KAZN: variants seen among roughly 807,000 people sequenced by gnomAD.
KAZN encodes the protein kazrin.
A neutral mutation model predicts 87.4 loss-of-function variants in KAZN; 40 were observed. The observed-to-expected ratio is 0.46, with a 90% CI of 0.36 to 0.60. The LOEUF (loss-of-function observed/expected upper bound fraction) is 0.60. KAZN is among the 20% of genes least tolerant of loss of function. The pLI, the probability that KAZN is intolerant of heterozygous loss-of-function variation, is 0.00. For missense variants in KAZN, 898 were observed against 1,073.9 expected (o/e 0.84, Z 2.29); for synonymous variants, 466 against 458.3 (o/e 1.02, Z -0.22).
At chr1:13,940,136 T>C (rs1431858757) in intron 1 of KAZN, among the ~76,000 whole-genome samples, 1 of 152,212 alleles carries the variant, frequency 6.6e-6, no homozygotes, top group African/African-American at 2.4e-5. Flanking sequence ...ATTAGGGTGT[T>C]AATGGTTTCA....
chr1:14,458,316 A>G (rs766328791), intron 2 of KAZN, among the ~76,000 whole-genome samples: 20 of 152,230 alleles, frequency 1.3e-4, no homozygotes, highest in Non-Finnish European at 2.6e-4. Flanking sequence ...TATTTCTAAC[A>G]ACTATGAAAA....
At chr1:14,280,398 A>AAG (rs1652757912) in intron 2 of KAZN, among the ~76,000 whole-genome samples, 1 of 138,068 alleles carries the variant, frequency 7.2e-6, no homozygotes, top group African/African-American at 2.8e-5. Context: ...AAAAAAAAAA[A>AAG]GACGAGGTTG....
At chr1:13,898,776 G>C (rs549982020) in intron 1 of KAZN, among the ~76,000 whole-genome samples, 1 of 152,326 alleles carries the variant, frequency 6.6e-6, no homozygotes, top group South Asian at 2.1e-4. Context: ...TCTCTCACCT[G>C]TCAGACTGGT....
intron 2 of KAZN, among the ~76,000 whole-genome samples, chr1:14,485,821 AGG>A (rs1353913707): frequency 6.7e-6 from 1 of 149,716 alleles, no homozygotes; most frequent in Non-Finnish European, 1.5e-5. Context: ...TGAACCCCAG[AGG>A]CGGAGGTTGC....
chr1:14,106,174 C>T (rs1644370237), intron 1 of KAZN, among the ~76,000 whole-genome samples: 1 of 152,212 alleles, frequency 6.6e-6, no homozygotes, highest in South Asian at 2.1e-4. Flanking sequence ...CCTACACTCT[C>T]CATGTTTGGA....
intron 2 of KAZN, among the ~76,000 whole-genome samples, chr1:14,424,012 C>T (rs753704318): frequency 1.1e-4 from 16 of 151,952 alleles, no homozygotes; most frequent in Non-Finnish European, 2.1e-4. Flanking sequence ...TACATATGTG[C>T]CTTAAGCCCA....
intron 1 of KAZN, among the ~76,000 whole-genome samples, chr1:14,614,963 AT>A (rs1678111389): frequency 6.6e-6 from 1 of 152,192 alleles, no homozygotes; most frequent in Non-Finnish European, 1.5e-5. Flanking sequence ...CCTCGTAGGG[AT>A]AATGCTGGTC....
chr1:14,769,590 G>A lies in KAZN; in HGVS notation c.226+170367G>A, dbSNP rs1204568339. On this transcript the variant is annotated intron_variant, in intron 1 of 14. Transcript: ENST00000376030. The surrounding 1 kb of genome is among the most constrained non-coding windows in gnomAD (Gnocchi z 4.1). ...ACTAGTTTCAAACTTATGACCTCAG[G>A]TGATCCACCTGCCTCAGCCTCCCAA... is the stretch of plus-strand genomic sequence containing the variant. Among the ~76,000 whole-genome samples, 1 of 152,114 alleles carries A rather than the reference G, an allele frequency of 6.6e-6. No homozygotes were observed. Among genetic ancestry groups the A allele is most frequent in the African/African-American group, 2.4e-5 (1 of 41,416 alleles).
At chr1:14,308,764 G>C (rs554220707) in intron 2 of KAZN, among the ~76,000 whole-genome samples, 2 of 114,322 alleles carry the variant, frequency 1.7e-5, no homozygotes, top group South Asian at 5.2e-4. Context: ...CTAGAACCTC[G>C]TGCCTCATAA....
chr1:14,366,014 G>A (rs1659967459), intron 2 of KAZN, among the ~76,000 whole-genome samples: 1 of 152,184 alleles, frequency 6.6e-6, no homozygotes, highest in African/African-American at 2.4e-5. Flanking sequence ...AGCCTAAAAT[G>A]TAAATTGCTT....
At chr1:13,932,967 G>A (rs1640583445) in intron 1 of KAZN, among the ~76,000 whole-genome samples, 1 of 152,142 alleles carries the variant, frequency 6.6e-6, no homozygotes, top group African/African-American at 2.4e-5. Context: ...CAGAAAGGTT[G>A]CAAAAATACT....
intron 1 of KAZN, among the ~76,000 whole-genome samples, chr1:14,026,534 G>A (rs1641077273): frequency 6.6e-6 from 1 of 152,172 alleles, no homozygotes. Context: ...GCAGGGCAAA[G>A]TCTAGATATA....
intron 1 of KAZN, among the ~76,000 whole-genome samples, chr1:14,944,312 A>T (rs1235116740): frequency 1.3e-5 from 2 of 151,666 alleles, no homozygotes; most frequent in East Asian, 3.9e-4. Flanking sequence ...GAAACTCTGT[A>T]AGTGAAGTAA....
intron 2 of KAZN, among the ~76,000 whole-genome samples, chr1:14,561,377 G>A (rs1301594619): frequency 6.6e-6 from 1 of 152,212 alleles, no homozygotes; most frequent in African/African-American, 2.4e-5. Flanking sequence ...GGACATGACA[G>A]ACCCGAGACT....
intron 2 of KAZN, among the ~76,000 whole-genome samples, chr1:14,977,414 G>A (rs566915773): frequency 1.1e-4 from 17 of 152,302 alleles, no homozygotes; most frequent in South Asian, 8.3e-4. Flanking sequence ...CCCAGATTCC[G>A]GAAGGTCAAC....
At chr1:14,874,822 A>G (rs1652574981) in intron 1 of KAZN, among the ~76,000 whole-genome samples, 3 of 152,038 alleles carry the variant, frequency 2.0e-5, no homozygotes, top group Admixed American at 2.0e-4. Context: ...TTAAGGTTTG[A>G]GAAGGGAAAG....
intron 1 of KAZN, among the ~76,000 whole-genome samples, chr1:14,918,198 T>C (rs1030267301): frequency 6.6e-6 from 1 of 152,148 alleles, no homozygotes; most frequent in Admixed American, 6.5e-5. Context: ...GCACTTCTAA[T>C]GAACAGAATA....
At chr1:15,029,321 C>G (rs879589840) in intron 2 of KAZN, among the ~76,000 whole-genome samples, 5 of 152,218 alleles carry the variant, frequency 3.3e-5, no homozygotes, top group Non-Finnish European at 7.3e-5. Context: ...AGCAGCAAGC[C>G]TGGCGTACAG....
At chr1:14,625,946 G>A (rs926684155) in intron 1 of KAZN, among the ~76,000 whole-genome samples, 2 of 152,170 alleles carry the variant, frequency 1.3e-5, no homozygotes, top group Admixed American at 6.5e-5. Flanking sequence ...CTTGTTTCTC[G>A]CTTTTCAGGG....
Sources: gnomAD v4.1 joint callset for allele counts (sites outside exome capture counted in the v4.1 genomes callset) on GRCh38, gnomAD v4.1.1 for gene constraint, Gnocchi (gnomAD v3.1) non-coding constraint, MANE v1.5 for transcripts, NCBI Gene and HGNC (gene_info 2026-07-23, HGNC 2026-07-21) for gene names.